Variants in CSMD1 observed in about 807,000 individuals in gnomAD.
CSMD1 encodes the protein CUB and Sushi multiple domains 1.
Under a neutral mutation model 417.5 loss-of-function variants are expected in CSMD1, and 213 were observed. That is an observed-to-expected ratio of 0.51 (90% CI 0.46 to 0.57). The LOEUF (loss-of-function observed/expected upper bound fraction) is 0.57, where lower values mean the gene tolerates loss of function less well. CSMD1 is among the 20% of genes least tolerant of loss of function. The pLI, the probability that CSMD1 is intolerant of heterozygous loss-of-function variation, is 0.00. For missense variants in CSMD1, 6,923 were observed against 4,529.7 expected, an observed-to-expected ratio of 1.53 and a Z score of -15.17; for synonymous variants, 2,862 against 1,736.8, an observed-to-expected ratio of 1.65 and a Z score of -16.11.
chr8:4,925,738 G>A (rs1192284071), intron 1 of CSMD1, among the ~76,000 whole-genome samples: 2 of 151,864 alleles, frequency 1.3e-5, no homozygotes, highest in African/African-American at 2.4e-5. Flanking sequence ...TAGTAGAGAC[G>A]GGGTTTCACC....
At chr8:3,190,538 T>C (rs1001783324) in intron 33 of CSMD1, among the ~76,000 whole-genome samples, 1 of 152,150 alleles carries the variant, frequency 6.6e-6, no homozygotes, top group African/African-American at 2.4e-5. Flanking sequence ...CTGAGTCTAA[T>C]GAGAAAAGCT....
rs149917526 is a variant in CSMD1 at position 4,228,870 on chromosome 8, C to T, written c.415+191083G>A. Among the ~76,000 whole-genome samples the T allele has an allele frequency of 4.6e-5, 7 of 152,000 alleles. No individual in the cohort carries two copies. In the East Asian group the frequency reaches 1.2e-3, roughly 25 times the overall value. ...CTAATTTTTGTATTTTTAGTAGAGA[C>T]CGGCTTTCCCCAAGTTGGCCAGGCT... is the stretch of plus-strand genomic sequence containing the variant. On this transcript the variant is annotated intron_variant, in intron 3 of 69. Transcript: ENST00000635120.
At chr8:4,645,213 G>C (rs1803445007) in intron 1 of CSMD1, among the ~76,000 whole-genome samples, 1 of 151,926 alleles carries the variant, frequency 6.6e-6, no homozygotes, top group South Asian at 2.1e-4. Flanking sequence ...CTAGACAGGG[G>C]TCATCATTCC....
chr8:3,492,165 G>C (rs529910645), intron 11 of CSMD1, among the ~76,000 whole-genome samples: 1 of 152,124 alleles, frequency 6.6e-6, no homozygotes, highest in Non-Finnish European at 1.5e-5. Flanking sequence ...GGGTGGGCGT[G>C]GGTTTCAGGA....
chr8:4,161,828 A>C (rs1797188375), intron 3 of CSMD1, among the ~76,000 whole-genome samples: 1 of 152,176 alleles, frequency 6.6e-6, no homozygotes, highest in South Asian at 2.1e-4. Context: ...CTGCTATATG[A>C]TATGTCACTG....
intron 20 of CSMD1, among the ~76,000 whole-genome samples, chr8:3,364,335 G>A (rs1044676688): frequency 2.0e-5 from 3 of 152,154 alleles, no homozygotes; most frequent in Non-Finnish European, 4.4e-5. Context: ...TTCTGCTTGT[G>A]TGCAACTGTC....
intron 32 of CSMD1, among the ~76,000 whole-genome samples, chr8:3,201,010 T>C (rs1796962454): frequency 6.6e-6 from 1 of 152,178 alleles, no homozygotes; most frequent in Admixed American, 6.5e-5. Context: ...CTGAATACCA[T>C]TCAGAACTCA....
intron 5 of CSMD1, among the ~76,000 whole-genome samples, chr8:3,896,231 G>C (rs947052126): frequency 6.6e-6 from 1 of 152,170 alleles, no homozygotes; most frequent in Non-Finnish European, 1.5e-5. Context: ...CCTGGTTGCT[G>C]TCACCAAAAT....
chr8:4,519,742 C>CAAAAAAAAAAA lies in CSMD1; in HGVS notation c.303-99688_303-99678dup, dbSNP rs57747377. ...TAGGCAGCAGAGTCAGACTTCATCTCAAAAAAAAAAAAAAAAAAAAAAAAA... is the reference window on the plus strand; with the variant it reads ...TAGGCAGCAGAGTCAGACTTCATCTCAAAAAAAAAAAAAAAAAAAAAAAAAAAAAAAAAAAA... On this transcript the variant is annotated intron_variant, in intron 2 of 69. Coordinates refer to ENST00000635120, the MANE Select transcript of CSMD1 (RefSeq NM_033225.6). Among the ~76,000 whole-genome samples the CAAAAAAAAAAA allele has an allele frequency of 4.4e-3, 352 of 80,366 alleles. 125 individuals carry two copies. The highest frequency in any genetic ancestry group is 8.9e-3 in the Middle Eastern group (1 of 112). 52.7% of individuals were successfully genotyped at this position (80,366 alleles called of 152,430 possible).
At chr8:4,439,584 T>A (rs934608872) in intron 2 of CSMD1, among the ~76,000 whole-genome samples, 5 of 152,180 alleles carry the variant, frequency 3.3e-5, no homozygotes, top group African/African-American at 7.2e-5. Context: ...CATATTTCTT[T>A]ATTATTAACA....
chr8:4,022,017 C>T lies in CSMD1; in HGVS notation c.610+9888G>A, dbSNP rs557994203. Among the ~76,000 whole-genome samples the T allele has an allele frequency of 2.6e-5, 4 of 151,796 alleles. No individual in the cohort carries two copies. In the South Asian group the frequency reaches 6.3e-4, roughly 24 times the overall value. The stretch of plus-strand genomic sequence containing the variant: ...GTCTGTCTAATTCTGGAGTCCAACA[C>T]TGGAAAGTCCAGGTGCCTATATTTT... On this transcript the variant is annotated intron_variant, in intron 4 of 69. Transcript: ENST00000635120.
At chr8:3,191,580 G>A (rs771375202) in intron 33 of CSMD1, among the ~76,000 whole-genome samples, 37 of 152,274 alleles carry the variant, frequency 2.4e-4, no homozygotes, top group Middle Eastern at 3.4e-3. Flanking sequence ...ATGGAATGAC[G>A]TGTGTGTATC....
intron 3 of CSMD1, among the ~76,000 whole-genome samples, chr8:4,168,707 C>A (rs1351816064): frequency 1.3e-5 from 2 of 152,012 alleles, no homozygotes; most frequent in Admixed American, 6.5e-5. Context: ...TTTTTTAAAA[C>A]ACAAAAAAAG....
At chr8:3,853,291 T>C (rs1258489618) in intron 5 of CSMD1, among the ~76,000 whole-genome samples, 4 of 152,230 alleles carry the variant, frequency 2.6e-5, no homozygotes, top group African/African-American at 9.6e-5. Context: ...GTGATCTTCA[T>C]ACCCTGATCA....
At chr8:4,164,534 A>G (rs954503372) in intron 3 of CSMD1, among the ~76,000 whole-genome samples, 11 of 152,158 alleles carry the variant, frequency 7.2e-5, no homozygotes, top group Non-Finnish European at 1.5e-4. Flanking sequence ...AAATCTAGAT[A>G]TAAGCTGTTG....
At chr8:3,845,835 T>C (rs1378444926) in intron 5 of CSMD1, among the ~76,000 whole-genome samples, 1 of 152,086 alleles carries the variant, frequency 6.6e-6, no homozygotes, top group East Asian at 1.9e-4. Flanking sequence ...TATTTAATTT[T>C]TTTTTTACTT....
At chr8:3,656,734 T>G (rs1213090007) in intron 7 of CSMD1, among the ~76,000 whole-genome samples, 1 of 152,178 alleles carries the variant, frequency 6.6e-6, no homozygotes, top group Non-Finnish European at 1.5e-5. Context: ...GAGACCAGCC[T>G]GGCTAACATG....
intron 39 of CSMD1, among the ~76,000 whole-genome samples, chr8:3,156,469 C>CA (rs1819540222): frequency 1.3e-5 from 2 of 151,984 alleles, no homozygotes; most frequent in Admixed American, 1.3e-4. Context: ...TGTAGAAGGG[C>CA]AAATTAAAGA....
intron 59 of CSMD1, 116 bp from the exon 60 acceptor site, chr8:2,963,511 T>TAA: frequency 1.1e-6 from 1 of 937,014 alleles, no homozygotes; most frequent in Non-Finnish European, 1.6e-6. Context: ...CATAGGTTTT[T>TAA]AAAAAAAAAT....
Sources: allele counts gnomAD v4.1 joint callset (sites outside exome capture counted in the v4.1 genomes callset), GRCh38; gene constraint gnomAD v4.1.1; transcripts MANE v1.5; gene names NCBI Gene and HGNC (gene_info 2026-07-23, HGNC 2026-07-21).